Variants in KIRREL3 observed in about 807,000 individuals in gnomAD.
KIRREL3 encodes the protein kirre like nephrin family adhesion molecule 3, also known as kin of IRRE-like protein 3.
In KIRREL3, 36 loss-of-function variants were observed where a neutral mutation model predicts 89.7. The ratio of observed to expected loss-of-function variants is 0.40; its 90% CI spans 0.31 to 0.53. The LOEUF is 0.53. Ranked by LOEUF, KIRREL3 falls within the 20% of genes least tolerant of loss-of-function variation. The probability of loss-of-function intolerance (pLI) is 0.49; values close to 1 mark genes in which losing one functional copy is unlikely to be tolerated. For synonymous variants in KIRREL3, 445 were observed against 441.4 expected, an observed-to-expected ratio of 1.01 and a Z score of -0.10; for missense variants, 864 against 1,056.6, an observed-to-expected ratio of 0.82 and a Z score of 2.53.
rs985792269 is a variant in KIRREL3 at position 126,808,277 on chromosome 11, G to A, written c.55+192178C>T. 6.6e-6 allele frequency among the ~76,000 whole-genome samples: 1 copy of A among 152,190 alleles called. No individual in the cohort carries two copies. The highest frequency in any genetic ancestry group is 6.5e-5 in the Admixed American group (1 of 15,280). On this transcript the variant is annotated intron_variant, in intron 1 of 16. Coordinates refer to ENST00000525144, the MANE Select transcript of KIRREL3 (RefSeq NM_032531.4). The surrounding 1 kb of genome is among the most constrained non-coding windows in gnomAD (Gnocchi z 4.1). Reference sequence around the variant, plus strand: ...GAGAATACTTATTTGAAAATTAAATGTCTTCACTTCTTTTCCAGGAGGCTC... The same window carrying A: ...GAGAATACTTATTTGAAAATTAAATATCTTCACTTCTTTTCCAGGAGGCTC...
intron 2 of KIRREL3, among the ~76,000 whole-genome samples, chr11:126,539,201 T>C (rs963756418): frequency 6.6e-6 from 1 of 152,180 alleles, no homozygotes; most frequent in African/African-American, 2.4e-5. Flanking sequence ...TTCTCTGTGA[T>C]GTGCACAGAG....
upstream of KIRREL3, chr11:127,002,890 T>C (rs2508557): frequency 0.51 from 77,046 of 151,970 alleles, 21,460 homozygotes; most frequent in African/African-American, 0.75. Flanking sequence ...CACGTACAGG[T>C]GTCTGCACTC....
Position 126,562,921 on chromosome 11 carries a change from G to C in KIRREL3, c.56-9C>G. On this transcript the variant is annotated splice_polypyrimidine_tract_variant and intron_variant, in intron 1 of 16. Coordinates refer to ENST00000525144, the MANE Select transcript of KIRREL3 (RefSeq NM_032531.4). This position sits in a 1 kb window ranked among gnomAD's most constrained non-coding sequence, Gnocchi z 4.7. ...CTTCTGGAGGCCCAGCTCTGGAAGA[G>C]AAGCATAGGTGGGTGAGTTGGGAAT... 1 of 1,612,590 alleles carries C rather than the reference G, an allele frequency of 6.2e-7. No individual in the cohort carries two copies. The highest frequency in any genetic ancestry group is 8.5e-7 in the Non-Finnish European group (1 of 1,178,768).
intron 2 of KIRREL3, among the ~76,000 whole-genome samples, chr11:126,554,802 CT>C (rs894699196): frequency 1.3e-5 from 2 of 152,118 alleles, no homozygotes; most frequent in African/African-American, 4.8e-5. Context: ...CCAATTGTTG[CT>C]TTTTTGGCCT....
At chr11:126,937,349 T>A (rs963215538) in intron 1 of KIRREL3, among the ~76,000 whole-genome samples, 25 of 152,218 alleles carry the variant, frequency 1.6e-4, no homozygotes, top group African/African-American at 5.8e-4. Flanking sequence ...GGATAATAAC[T>A]TACTTTTGTA....
At position 126,676,545 on chromosome 11, in the gene KIRREL3, C is replaced by G. The variant is rs1007645307; in HGVS notation, c.56-113633G>C. Among the ~76,000 whole-genome samples, 1 of 152,016 alleles carries G rather than the reference C, an allele frequency of 6.6e-6. No individual in the cohort carries two copies. The highest frequency in any genetic ancestry group is 1.9e-4 in the East Asian group (1 of 5,184). On this transcript the variant is annotated intron_variant, in intron 1 of 16. Transcript: ENST00000525144. This position sits in a 1 kb window ranked among gnomAD's most constrained non-coding sequence, Gnocchi z 4.5. ...TTGTTTGAGTTGGGGGGAGATGCTG[C>G]GAGTCCTTTAAAGAACCTCCCATAG...
intron 1 of KIRREL3, among the ~76,000 whole-genome samples, chr11:126,599,853 A>C (rs1345660292): frequency 6.6e-6 from 1 of 152,192 alleles, no homozygotes; most frequent in Non-Finnish European, 1.5e-5. Context: ...TTAGACTAGC[A>C]TCAGGGGACT....
chr11:126,799,042 ATC>A (rs1226528125), intron 1 of KIRREL3, among the ~76,000 whole-genome samples: 19 of 150,644 alleles, frequency 1.3e-4, no homozygotes, highest in Non-Finnish European at 1.5e-5. Context: ...GCATGTGTGC[ATC>A]TCTGTGTATC....
In KIRREL3 at chr11:126,912,238, T is replaced by A. The variant is rs1221752247; in HGVS notation, c.55+88217A>T. Among the ~76,000 whole-genome samples the A allele has an allele frequency of 6.6e-6, 1 of 152,134 alleles. No individual in the cohort carries two copies. Among genetic ancestry groups the A allele is most frequent in the African/African-American group, 2.4e-5 (1 of 41,438 alleles). Reference sequence around the variant, plus strand: ...AATAGCATGGTCATCTCCCTGGAGATGTGCAGATACCCTTCACCTTCAAGC... The same window carrying A: ...AATAGCATGGTCATCTCCCTGGAGAAGTGCAGATACCCTTCACCTTCAAGC... On this transcript the variant is annotated intron_variant, in intron 1 of 16. Transcript: ENST00000525144. The surrounding 1 kb of genome is among the most constrained non-coding windows in gnomAD (Gnocchi z 4.7).
Position 126,560,041 on chromosome 11 carries a change from G to T in KIRREL3, c.133+2794C>A, listed in dbSNP as rs1198554017. Among the ~76,000 whole-genome samples, 4 of 152,078 alleles carry T rather than the reference G, an allele frequency of 2.6e-5. No individual in the cohort carries two copies. The East Asian group carries it at 5.8e-4, about 22-fold the overall frequency. ...CAATTCTGGCACTTGTAAGAAATTGGTATTATTTTTATGGTATTCAATGAC... is the reference window on the plus strand; with the variant it reads ...CAATTCTGGCACTTGTAAGAAATTGTTATTATTTTTATGGTATTCAATGAC... On this transcript the variant is annotated intron_variant, in intron 2 of 16. Coordinates refer to ENST00000525144, the MANE Select transcript of KIRREL3 (RefSeq NM_032531.4).
intron 1 of KIRREL3, among the ~76,000 whole-genome samples, chr11:126,809,072 G>A (rs769069574): frequency 1.3e-5 from 2 of 152,126 alleles, no homozygotes; most frequent in Non-Finnish European, 2.9e-5. Flanking sequence ...TAATAAACCC[G>A]CAAGCATGGC....
At chr11:126,538,767 A>C (rs1938122439) in intron 2 of KIRREL3, among the ~76,000 whole-genome samples, 1 of 152,176 alleles carries the variant, frequency 6.6e-6, no homozygotes, top group African/African-American at 2.4e-5. Context: ...GCAATCTCCA[A>C]GTCCCCAGGT....
At chr11:126,706,624 G>A (rs554626038) in intron 1 of KIRREL3, among the ~76,000 whole-genome samples, 4 of 152,112 alleles carry the variant, frequency 2.6e-5, no homozygotes, top group African/African-American at 9.7e-5. Context: ...CCACTTCCTT[G>A]TACACAGGAC....
At chr11:126,567,415 C>T (rs1940594796) in intron 1 of KIRREL3, among the ~76,000 whole-genome samples, 1 of 152,236 alleles carries the variant, frequency 6.6e-6, no homozygotes, top group East Asian at 1.9e-4. Context: ...TTTGGACCTC[C>T]AGTCTCCAGA....
intron 1 of KIRREL3, among the ~76,000 whole-genome samples, chr11:126,679,830 C>T (rs931084954): frequency 6.6e-6 from 1 of 152,130 alleles, no homozygotes; most frequent in Non-Finnish European, 1.5e-5. Flanking sequence ...CTAACTTGCC[C>T]CAGCCAATTG....
chr11:126,731,318 G>A (rs1948608286), intron 1 of KIRREL3, among the ~76,000 whole-genome samples: 1 of 152,064 alleles, frequency 6.6e-6, no homozygotes. Context: ...CTGGGCCACT[G>A]CCTAGGTCTC....
intron 5 of KIRREL3, among the ~76,000 whole-genome samples, chr11:126,468,863 C>T (rs1956802745): frequency 6.6e-6 from 1 of 152,206 alleles, no homozygotes; most frequent in Admixed American, 6.5e-5. Flanking sequence ...CAGAGGGTGA[C>T]ATCACCATGT....
At chr11:126,825,719 TTGGG>T (rs1379122303) in intron 1 of KIRREL3, among the ~76,000 whole-genome samples, 1 of 152,206 alleles carries the variant, frequency 6.6e-6, no homozygotes, top group African/African-American at 2.4e-5. Flanking sequence ...TTTGATTCCC[TTGGG>T]TCAAGCACTT....
chr11:126,698,042 C>T (rs767222289), intron 1 of KIRREL3, among the ~76,000 whole-genome samples: 2 of 152,180 alleles, frequency 1.3e-5, no homozygotes. Flanking sequence ...GCAAATGGCA[C>T]AGCTGAGGAG....
Sources: gnomAD v4.1 joint callset for allele counts (sites outside exome capture counted in the v4.1 genomes callset) on GRCh38, gnomAD v4.1.1 for gene constraint, Gnocchi (gnomAD v3.1) non-coding constraint, MANE v1.5 for transcripts, NCBI Gene and HGNC (gene_info 2026-07-23, HGNC 2026-07-21) for gene names.